The following NYAP2 variants were observed in gnomAD, a reference collection of about 807,000 sequenced individuals.
NYAP2 encodes neuronal tyrosine-phosphorylated phosphoinositide-3-kinase adapter 2.
NYAP2 carries 23 observed loss-of-function variants against 50.4 expected under a neutral mutation model. The ratio of observed to expected loss-of-function variants is 0.46; its 90% CI spans 0.33 to 0.65. The LOEUF (loss-of-function observed/expected upper bound fraction) is 0.65, where lower values mean the gene tolerates loss of function less well. Ranked by LOEUF, NYAP2 falls within the 30% of genes least tolerant of loss-of-function variation. The pLI, the probability that NYAP2 is intolerant of heterozygous loss-of-function variation, is 0.02. For synonymous variants in NYAP2, 394 were observed against 365.2 expected (o/e 1.08, Z -0.90); for missense variants, 885 against 861.0 (o/e 1.03, Z -0.35).
chr2:225,466,357 AG>A (rs2106156644), intron 3 of NYAP2, among the ~76,000 whole-genome samples: 1 of 151,850 alleles, frequency 6.6e-6, no homozygotes, highest in South Asian at 2.1e-4. Flanking sequence ...TTTTTTCTTC[AG>A]GGTTTAGAAA....
intron 5 of NYAP2, among the ~76,000 whole-genome samples, chr2:225,622,126 A>C (rs966715276): frequency 6.6e-6 from 1 of 152,080 alleles, no homozygotes; most frequent in African/African-American, 2.4e-5. Flanking sequence ...CGACCTCCCA[A>C]GGCTCAAACA....
the NYAP2 span, among the ~76,000 whole-genome samples, chr2:225,659,736 T>C: frequency 9.0e-4 from 137 of 152,318 alleles, 6 homozygotes; most frequent in South Asian, 0.028. Flanking sequence ...TGAACCTTTC[T>C]GAGTCTGGGG....
At chr2:225,684,524 T>A in the NYAP2 span, among the ~76,000 whole-genome samples, 1 of 151,944 alleles carries the variant, frequency 6.6e-6, no homozygotes, top group Non-Finnish European at 1.5e-5. Flanking sequence ...ATTTGTTTTT[T>A]CCACCTTGGT....
chr2:225,441,650 C>CT (rs1260587063), intron 3 of NYAP2, among the ~76,000 whole-genome samples: 1 of 152,090 alleles, frequency 6.6e-6, no homozygotes, highest in Admixed American at 6.6e-5. Flanking sequence ...GAATCTGCCC[C>CT]TTTTAAGCCA....
At chr2:225,699,030 C>T in the NYAP2 span, 4 of 151,724 alleles carry the variant, frequency 2.6e-5, no homozygotes, top group Non-Finnish European at 5.9e-5. Context: ...GTGCTAGTAA[C>T]GTAGAAGTTG....
At chr2:225,612,083 G>C (rs759674396) in intron 5 of NYAP2, among the ~76,000 whole-genome samples, 15 of 147,582 alleles carry the variant, frequency 1.0e-4, no homozygotes, top group Non-Finnish European at 1.9e-4. Flanking sequence ...CTGTGGTTTG[G>C]ATAAACCACT....
chr2:225,664,756 G>T, the NYAP2 span, among the ~76,000 whole-genome samples: 1 of 152,000 alleles, frequency 6.6e-6, no homozygotes. Flanking sequence ...GGCGCCTGTA[G>T]TTCCAGCTAC....
rs529029131 is a variant in NYAP2, at chr2:225,594,030, A to G, written c.1618+10995A>G. Among the ~76,000 whole-genome samples, 22 of 152,316 alleles carry G rather than the reference A, an allele frequency of 1.4e-4. No homozygotes were observed. The Middle Eastern group carries it at 0.01, about 71-fold the overall frequency. ...AAAGATATAAAGAATATGCCCATCA[A>G]GCATTTAAATTTGGACCATTTTGTA... On this transcript the variant is annotated intron_variant, in intron 5 of 6. Transcript: ENST00000636099.
At chr2:225,488,288 G>T (rs969334514) in intron 3 of NYAP2, among the ~76,000 whole-genome samples, 1 of 152,086 alleles carries the variant, frequency 6.6e-6, no homozygotes, top group South Asian at 2.1e-4. Flanking sequence ...AAATAAAACA[G>T]ATTTTGTTTA....
chr2:225,520,514 A>G (rs183144489), intron 4 of NYAP2, among the ~76,000 whole-genome samples: 5,059 of 152,252 alleles, frequency 0.033, 274 homozygotes, highest in African/African-American at 0.11. Context: ...TCCTGGCACC[A>G]TTTATTAAAT....
intron 4 of NYAP2, among the ~76,000 whole-genome samples, chr2:225,569,519 A>T (rs1692029541): frequency 6.6e-6 from 1 of 152,126 alleles, no homozygotes; most frequent in Admixed American, 6.5e-5. Context: ...ATTGACTTCC[A>T]TGCTTCAACA....
At chr2:225,692,965 A>C in the NYAP2 span, among the ~76,000 whole-genome samples, 3 of 152,064 alleles carry the variant, frequency 2.0e-5, no homozygotes, top group Non-Finnish European at 4.4e-5. Flanking sequence ...TTCACATACG[A>C]GTTCCAAAGA....
Position 225,520,696 on chromosome 2 carries a change from T to G in NYAP2, c.523+7024T>G, listed in dbSNP as rs1355379145. On this transcript the variant is annotated intron_variant, in intron 4 of 6. Transcript: ENST00000636099. ...TGTAGCCTTGTAGTATAGTTTGAAA[T>G]CAGGTAGCGTGATGCCTCCAGCTTT... Among the ~76,000 whole-genome samples the G allele has an allele frequency of 2.4e-4, 36 of 152,332 alleles. No individual in the cohort carries two copies. In the East Asian group the frequency reaches 5.6e-3, roughly 24 times the overall value.
chr2:225,593,986 A>G (rs1426143319), intron 5 of NYAP2, among the ~76,000 whole-genome samples: 1 of 152,208 alleles, frequency 6.6e-6, no homozygotes, highest in Non-Finnish European at 1.5e-5. Context: ...ATTCCATTCC[A>G]GGCAGATTTA....
chr2:225,537,699 T>A lies in NYAP2; in HGVS notation c.523+24027T>A, dbSNP rs376285019. On this transcript the variant is annotated intron_variant, in intron 4 of 6. Coordinates refer to ENST00000636099, the Ensembl canonical transcript of NYAP2. ...CCACCCCGACCCCTCCCAAATCTCA[T>A]GTCCTCACATTTCAAAACCAATCAT... Among the ~76,000 whole-genome samples the A allele has an allele frequency of 1.4e-3, 214 of 152,260 alleles. 1 individual carries two copies. Among genetic ancestry groups the A allele is most frequent in the African/African-American group, 5.0e-3 (208 of 41,556 alleles).
chr2:225,649,104 G>A (rs984347651), intron 6 of NYAP2, among the ~76,000 whole-genome samples: 2 of 152,100 alleles, frequency 1.3e-5, no homozygotes, highest in African/African-American at 4.8e-5. Flanking sequence ...GCGTGTGTAT[G>A]TGTGTGTATG....
chr2:225,402,010 A>G (rs1470134383), intron 2 of NYAP2, among the ~76,000 whole-genome samples: 2 of 152,082 alleles, frequency 1.3e-5, no homozygotes, highest in Non-Finnish European at 2.9e-5. Context: ...CAATGTTCTC[A>G]TTTATTTTAT....
chr2:225,448,042 C>T (rs1047560334), intron 3 of NYAP2, among the ~76,000 whole-genome samples: 7 of 152,302 alleles, frequency 4.6e-5, no homozygotes, highest in African/African-American at 9.6e-5. Context: ...GAAGCTGTCC[C>T]GGTTTGTTGC....
chr2:225,640,543 C>T (rs1693509963), intron 6 of NYAP2, among the ~76,000 whole-genome samples: 1 of 152,074 alleles, frequency 6.6e-6, no homozygotes, highest in African/African-American at 2.4e-5. Context: ...GGGAACTAGT[C>T]CTAGTCTTTG....
Sources: allele counts gnomAD v4.1 joint callset (sites outside exome capture counted in the v4.1 genomes callset), GRCh38; gene constraint gnomAD v4.1.1; transcripts MANE v1.5; gene names NCBI Gene and HGNC (gene_info 2026-07-23, HGNC 2026-07-21).